Variants in REDIC1 observed in about 807,000 individuals in gnomAD.
The protein encoded by REDIC1 is regulator of DNA class I crossover intermediates 1, also known as HEI10 Interacting Protein 1.
At chr12:39,746,866 C>G in the REDIC1 span, among the ~76,000 whole-genome samples, 3 of 152,234 alleles carry the variant, frequency 2.0e-5, no homozygotes, top group African/African-American at 7.2e-5. Flanking sequence ...GCTGAGGGTC[C>G]TGACTGTTAG....
the REDIC1 span, among the ~76,000 whole-genome samples, chr12:39,805,047 A>AGCCTGCTGGAGGGAGAC: frequency 6.6e-6 from 1 of 152,066 alleles, no homozygotes; most frequent in Non-Finnish European, 1.5e-5. Context: ...TGGAGGGAGA[A>AGCCTGCTGGAGGGAGAC]GCCTGCTGGA....
chr12:39,849,211 G>T, the REDIC1 span, among the ~76,000 whole-genome samples: 1 of 152,014 alleles, frequency 6.6e-6, no homozygotes, highest in Non-Finnish European at 1.5e-5. Flanking sequence ...AAAAACAAGT[G>T]GGAAAGAGTC....
the REDIC1 span, chr12:39,758,850 G>C: frequency 6.6e-6 from 1 of 151,306 alleles, no homozygotes; most frequent in East Asian, 1.9e-4. Flanking sequence ...ATAAAAACGA[G>C]TTTATGCTCT....
the REDIC1 span, among the ~76,000 whole-genome samples, chr12:39,859,611 C>G: frequency 2.0e-5 from 3 of 152,130 alleles, no homozygotes; most frequent in Non-Finnish European, 4.4e-5. Context: ...CAACCTCTAC[C>G]TCCTGGGTTC....
At chr12:39,760,106 C>T in the REDIC1 span, 1 of 1,612,924 alleles carries the variant, frequency 6.2e-7, no homozygotes, top group Non-Finnish European at 8.5e-7. Flanking sequence ...TATCTCCCTT[C>T]ATCAGAATCT....
At chr12:39,656,374 G>C in the REDIC1 span, among the ~76,000 whole-genome samples, 3 of 152,082 alleles carry the variant, frequency 2.0e-5, no homozygotes, top group Non-Finnish European at 4.4e-5. Flanking sequence ...TGACATCGTA[G>C]CTATTGTAAT....
chr12:39,871,398 T>C, the REDIC1 span, among the ~76,000 whole-genome samples: 3 of 152,058 alleles, frequency 2.0e-5, no homozygotes, highest in South Asian at 6.2e-4. Context: ...ATGCTCCAAA[T>C]TTAATTCCAT....
chr12:39,854,437 C>T, the REDIC1 span, among the ~76,000 whole-genome samples: 1 of 152,258 alleles, frequency 6.6e-6, no homozygotes, highest in East Asian at 1.9e-4. Context: ...GCCACATAAT[C>T]GGCACTGAGT....
chr12:39,664,182 G>A, the REDIC1 span, among the ~76,000 whole-genome samples: 6 of 151,260 alleles, frequency 4.0e-5, no homozygotes, highest in Non-Finnish European at 5.9e-5. Flanking sequence ...CCATTAACTC[G>A]TCATTTAACA....
the REDIC1 span, chr12:39,643,716 T>C: frequency 8.6e-7 from 1 of 1,161,532 alleles, no homozygotes; most frequent in East Asian, 2.7e-5. Flanking sequence ...GCTTTTTTAT[T>C]ATTTATAATT....
the REDIC1 span, among the ~76,000 whole-genome samples, chr12:39,865,523 A>G: frequency 6.6e-6 from 1 of 152,200 alleles, no homozygotes; most frequent in Admixed American, 6.5e-5. Flanking sequence ...AGGAATGGTG[A>G]TTAAGTATAT....
chr12:39,815,337 C>CTAT, the REDIC1 span, among the ~76,000 whole-genome samples: 5 of 152,190 alleles, frequency 3.3e-5, no homozygotes, highest in African/African-American at 1.2e-4. Context: ...TTATTGTTAA[C>CTAT]TATTGTCATT....
the REDIC1 span, among the ~76,000 whole-genome samples, chr12:39,733,011 GC>G: frequency 6.6e-6 from 1 of 151,718 alleles, no homozygotes; most frequent in African/African-American, 2.4e-5. Context: ...AATTTTGGGG[GC>G]TAGATTGGCC....
chr12:39,683,045 A>G, the REDIC1 span: 3 of 1,613,382 alleles, frequency 1.9e-6, no homozygotes, highest in East Asian at 4.5e-5. Flanking sequence ...TGTCAGCCAA[A>G]CAAGAAGTAT....
the REDIC1 span, among the ~76,000 whole-genome samples, chr12:39,898,094 A>G: frequency 6.6e-6 from 1 of 152,144 alleles, no homozygotes; most frequent in African/African-American, 2.4e-5. Flanking sequence ...TGTTGGGAAT[A>G]TAATTTTTGT....
the REDIC1 span, among the ~76,000 whole-genome samples, chr12:39,710,185 A>T: frequency 6.6e-6 from 1 of 151,878 alleles, no homozygotes. Flanking sequence ...TTTTAAAAAA[A>T]TTTAATACTT....
chr12:39,776,649 G>A, the REDIC1 span, among the ~76,000 whole-genome samples: 1 of 152,216 alleles, frequency 6.6e-6, no homozygotes, highest in African/African-American at 2.4e-5. Flanking sequence ...GAGTATAGAA[G>A]AGAAACCAAA....
the REDIC1 span, among the ~76,000 whole-genome samples, chr12:39,771,121 C>T: frequency 6.6e-6 from 1 of 152,138 alleles, no homozygotes. Context: ...TGCATTAACA[C>T]CATCCTAATT....
At chr12:39,905,832 A>AAAC in the REDIC1 span, among the ~76,000 whole-genome samples, 5 of 151,536 alleles carry the variant, frequency 3.3e-5, no homozygotes, top group African/African-American at 9.7e-5. Context: ...GAAAAAAAAA[A>AAAC]AAACTACACT....
Sources: allele counts gnomAD v4.1 joint callset (sites outside exome capture counted in the v4.1 genomes callset), GRCh38; gene constraint gnomAD v4.1.1; transcripts MANE v1.5; gene names NCBI Gene and HGNC (gene_info 2026-07-23, HGNC 2026-07-21).